The following P4HA1 variants were observed in gnomAD, a reference collection of about 807,000 sequenced individuals.
P4HA1 encodes the protein prolyl 4-hydroxylase subunit alpha-1.
In P4HA1, 24 loss-of-function variants were observed where a neutral mutation model predicts 72.8. The observed-to-expected ratio is 0.33, with a 90% CI of 0.24 to 0.46. The LOEUF is 0.46. Among genes scored for constraint, P4HA1 ranks in the 20% least tolerant of loss-of-function variants. The pLI is 1.00. For synonymous variants in P4HA1, 201 were observed against 218.8 expected (o/e 0.92, Z 0.72); for missense variants, 446 against 640.6 (o/e 0.70, Z 3.28).
At chr10:73,085,556 T>C (rs1196916515) in intron 1 of P4HA1, among the ~76,000 whole-genome samples, 1 of 152,124 alleles carries the variant, frequency 6.6e-6, no homozygotes, top group Non-Finnish European at 1.5e-5. Flanking sequence ...GCTAATTTTG[T>C]ATTTTTAGCA....
At chr10:73,090,897 C>G (rs1047232884) in intron 1 of P4HA1, among the ~76,000 whole-genome samples, 1 of 151,460 alleles carries the variant, frequency 6.6e-6, no homozygotes, top group Admixed American at 6.6e-5. Context: ...CCTGTCTCTA[C>G]TAAAAATACA....
At chr10:73,067,160 T>C (rs1045648181) in intron 5 of P4HA1, among the ~76,000 whole-genome samples, 1 of 152,158 alleles carries the variant, frequency 6.6e-6, no homozygotes, top group Non-Finnish European at 1.5e-5. Context: ...TGAGCCACCA[T>C]GCCAGCCCTA....
Position 73,051,035 on chromosome 10 carries a change from T to G in P4HA1, c.900+18A>C, listed in dbSNP as rs529115205. ...CACACACACATTCACATACACACAA[T>G]TGGCTTTTCCACTTTACCATTTTGA... On this transcript the variant is annotated intron_variant, in intron 7 of 14. Coordinates refer to ENST00000394890, the MANE Select transcript of P4HA1 (RefSeq NM_001017962.3). 1 of 1,589,562 alleles carries G rather than the reference T, an allele frequency of 6.3e-7. No individual in the cohort carries two copies. Among genetic ancestry groups the G allele is most frequent in the South Asian group, 1.1e-5 (1 of 90,282 alleles).
At chr10:73,009,061 C>A (rs752765311) in intron 14 of P4HA1, among the ~76,000 whole-genome samples, 1 of 152,130 alleles carries the variant, frequency 6.6e-6, no homozygotes, top group Non-Finnish European at 1.5e-5. Context: ...TCTAAACTCT[C>A]TCTCACCAAC....
chr10:73,072,560 T>C (rs532880756), intron 3 of P4HA1, among the ~76,000 whole-genome samples: 1 of 152,288 alleles, frequency 6.6e-6, no homozygotes, highest in East Asian at 1.9e-4. Context: ...ACATGTTCAT[T>C]TAAATCAACT....
At chr10:73,052,936 A>C (rs899895526) in intron 6 of P4HA1, among the ~76,000 whole-genome samples, 10 of 152,200 alleles carry the variant, frequency 6.6e-5, no homozygotes, top group Admixed American at 3.9e-4. Flanking sequence ...AATTCTCCTA[A>C]GGTGTATTTT....
chr10:73,012,961 A>G (rs750826197), intron 12 of P4HA1, among the ~76,000 whole-genome samples: 1 of 151,830 alleles, frequency 6.6e-6, no homozygotes, highest in Non-Finnish European at 1.5e-5. Context: ...ACACCCAGCT[A>G]ATTTTTGTAT....
intron 13 of P4HA1, 24 bp downstream of exon 13, chr10:73,010,945 C>T (rs781662454): frequency 1.4e-5 from 23 of 1,592,298 alleles, no homozygotes; most frequent in Non-Finnish European, 2.0e-5. Flanking sequence ...ATTAATAAAC[C>T]AAAAACAAAA....
At position 73,051,127 on chromosome 10, in the gene P4HA1, T is replaced by G. The variant is rs774348594; in HGVS notation, c.826A>C (p.Lys276Gln). The G allele has an allele frequency of 2.5e-6, 4 of 1,614,034 alleles. No individual in the cohort carries two copies. Among genetic ancestry groups the G allele is most frequent in the Non-Finnish European group, 3.4e-6 (4 of 1,179,942 alleles). ...GGCAGGTAATCCACAGCAACCCCTT[T>G]TTTCTTTGGTGTAGTTTTCTGATCA... ...QSDQKTTPKK[K>Q]GVAVDYLPER... The change falls in exon 7 of 15, where the codon AAA becomes CAA. Residue 276 changes from lysine to glutamine, a missense_variant. By Grantham distance (53) the Lys-to-Gln change is moderately conservative (BLOSUM62 1). Transcript: ENST00000394890.
chr10:73,021,504 T>C (rs1384909907), intron 10 of P4HA1, among the ~76,000 whole-genome samples: 1 of 152,210 alleles, frequency 6.6e-6, no homozygotes, highest in Non-Finnish European at 1.5e-5. Context: ...AATGTAATCT[T>C]ATCACATGGA....
chr10:73,041,471 G>A (rs1416221006), intron 9 of P4HA1, among the ~76,000 whole-genome samples: 1 of 151,622 alleles, frequency 6.6e-6, no homozygotes, highest in Non-Finnish European at 1.5e-5. Context: ...AACCCAGGAG[G>A]CGGAGCTTGC....
At chr10:73,021,871 T>C (rs926995721) in intron 10 of P4HA1, among the ~76,000 whole-genome samples, 1 of 152,210 alleles carries the variant, frequency 6.6e-6, no homozygotes, top group Non-Finnish European at 1.5e-5. Flanking sequence ...CCCATGCCCA[T>C]GGAGCCTTGC....
chr10:73,028,345 C>CAA (rs1554838677), intron 10 of P4HA1, among the ~76,000 whole-genome samples: 11 of 146,164 alleles, frequency 7.5e-5, no homozygotes, highest in Non-Finnish European at 1.5e-4. Context: ...CACACACACA[C>CAA]AAAATACATT....
intron 5 of P4HA1, among the ~76,000 whole-genome samples, chr10:73,057,951 C>T (rs1841191159): frequency 6.6e-6 from 1 of 151,632 alleles, no homozygotes; most frequent in African/African-American, 2.4e-5. Flanking sequence ...ATTAGCCGGG[C>T]ATGGTAGCAC....
At chr10:73,078,493 CA>C (rs1194475147) in intron 1 of P4HA1, among the ~76,000 whole-genome samples, 1 of 149,552 alleles carries the variant, frequency 6.7e-6, no homozygotes, top group Non-Finnish European at 1.5e-5. Flanking sequence ...TAACACTGGT[CA>C]AAACGAAGAA....
At chr10:73,090,709 T>C (rs1047196642) in intron 1 of P4HA1, among the ~76,000 whole-genome samples, 3 of 152,176 alleles carry the variant, frequency 2.0e-5, no homozygotes, top group African/African-American at 4.8e-5. Context: ...TATTAAGGTT[T>C]TTTAAATTCA....
intron 8 of P4HA1, 45 bp from the exon 9 acceptor site, chr10:73,045,096 C>A (rs755044660): frequency 1.3e-6 from 2 of 1,513,946 alleles, no homozygotes; most frequent in Non-Finnish European, 1.8e-6. Context: ...AAACAAAAAA[C>A]TGAATCACAT....
At chr10:73,072,302 T>C in intron 3 of P4HA1, 122 bp from the exon 4 acceptor site, 1 of 724,712 alleles carries the variant, frequency 1.4e-6, no homozygotes, top group Non-Finnish European at 2.3e-6. Context: ...GTAGTTTCTT[T>C]TTAAAGTAAA....
At chr10:73,039,523 G>A (rs912355998) in intron 9 of P4HA1, among the ~76,000 whole-genome samples, 4 of 151,958 alleles carry the variant, frequency 2.6e-5, no homozygotes, top group Non-Finnish European at 5.9e-5. Context: ...TAGCCAGAAC[G>A]GTCTCGATCT....
Sources: allele counts gnomAD v4.1 joint callset (sites outside exome capture counted in the v4.1 genomes callset), GRCh38; gene constraint gnomAD v4.1.1; transcripts MANE v1.5; gene names NCBI Gene and HGNC (gene_info 2026-07-23, HGNC 2026-07-21).